The following STK26 variants were observed in gnomAD, a reference collection of about 807,000 sequenced individuals.
STK26 encodes serine/threonine-protein kinase 26.
A neutral mutation model predicts 34.7 loss-of-function variants in STK26; 14 were observed. That is an observed-to-expected ratio of 0.40 (90% CI 0.27 to 0.63). The LOEUF is 0.63. Ranked by LOEUF, STK26 falls within the 30% of genes least tolerant of loss-of-function variation. STK26 has a pLI of 0.38. For missense variants in STK26, 226 were observed against 309.1 expected (o/e 0.73, Z 2.02); for synonymous variants, 100 against 109.8 (o/e 0.91, Z 0.56).
intron 2 of STK26, among the ~76,000 whole-genome samples, chrX:132,046,776 T>C (rs1312007173): frequency 8.9e-6 from 1 of 112,005 alleles, no homozygotes. Flanking sequence ...GATAAAATGC[T>C]GTCTGATGAC....
intron 2 of STK26, among the ~76,000 whole-genome samples, chrX:132,031,264 GATGTGTA>G (rs1472563748): frequency 8.9e-6 from 1 of 111,757 alleles, no homozygotes; most frequent in Non-Finnish European, 1.9e-5. Flanking sequence ...ATATGGATAT[GATGTGTA>G]ATGATCAAAT....
chrX:132,035,684 C>A (rs1926014655), intron 2 of STK26, among the ~76,000 whole-genome samples: 1 of 108,790 alleles, frequency 9.2e-6, no homozygotes, highest in East Asian at 2.9e-4. Context: ...TGCTAAAGTG[C>A]AACTTGGCTA....
At chrX:132,024,751 GTT>G (rs200767685) in intron 2 of STK26, among the ~76,000 whole-genome samples, 65 of 95,838 alleles carry the variant, frequency 6.8e-4, no homozygotes, top group African/African-American at 2.1e-3. Flanking sequence ...GATACATGGA[GTT>G]TTTTTTTTTT....
chrX:132,049,776 T>C lies in STK26; in HGVS notation c.43-4855T>C, dbSNP rs140757577. Among the ~76,000 whole-genome samples, 420 of 112,354 alleles carry C rather than the reference T, an allele frequency of 3.7e-3. 3 individuals are homozygous for C. The highest frequency in any genetic ancestry group is 0.013 in the African/African-American group (388 of 30,930). The stretch of plus-strand genomic sequence containing the variant: ...CTCCTCCTCATCAATGAGTCACTGA[T>C]AGGCCTATATACAGGCCAGTCTTTG... On this transcript the variant is annotated intron_variant, in intron 2 of 11. Transcript: ENST00000394334.
At chrX:132,058,826 T>C (rs781314548) in intron 3 of STK26, among the ~76,000 whole-genome samples, 40 of 111,047 alleles carry the variant, frequency 3.6e-4, no homozygotes, top group African/African-American at 1.2e-3. Context: ...AAGAACATGT[T>C]GCTTCATGAT....
chrX:132,035,557 A>G (rs1187078986), intron 2 of STK26, among the ~76,000 whole-genome samples: 1 of 109,643 alleles, frequency 9.1e-6, no homozygotes, highest in Non-Finnish European at 1.9e-5. Context: ...CTTTCTGTGG[A>G]ATTATGTTAC....
rs1300590517 is a variant in STK26, at chrX:132,044,667, A to C, written c.43-9964A>C. Among the ~76,000 whole-genome samples, 68 of 61,863 alleles carry C rather than the reference A, an allele frequency of 1.1e-3. 5 individuals are homozygous for C. In the East Asian group the frequency reaches 0.017, roughly 16 times the overall value. 53.7% of individuals were successfully genotyped at this position (61,863 alleles called of 115,157 possible). ...TCTCTCTCTCTCTCTCTCTCTCTCG[A>C]GATCTATATATATATATATATAGAG... On this transcript the variant is annotated intron_variant, in intron 2 of 11. Transcript: ENST00000394334.
chrX:132,045,590 A>G (rs1926471401), intron 2 of STK26, among the ~76,000 whole-genome samples: 1 of 112,245 alleles, frequency 8.9e-6, no homozygotes, highest in Non-Finnish European at 1.9e-5. Context: ...CCTCTGTAGT[A>G]CTTATGAGAA....
chrX:132,054,717 T>C lies in STK26; in HGVS notation c.129T>C (p.Asp43=), dbSNP rs773607682. The C allele has an allele frequency of 1.1e-5, 13 of 1,209,750 alleles. No homozygotes were observed. The highest frequency in any genetic ancestry group is 2.3e-4 in the Middle Eastern group (1 of 4,375). ...GSFGEVFKGI[D]NRTQQVVAIK... is the part of the protein sequence containing the mutation. ...TTGGGGAAGTTTTCAAAGGAATTGA[T>C]AACCGTACCCAGCAAGTCGTTGCTA... The change falls in exon 3 of 12, where the codon GAT becomes GAC. Residue 43 remains aspartate (D), a synonymous_variant. Transcript: ENST00000394334.
At chrX:132,043,620 T>C (rs1029290994) in intron 2 of STK26, among the ~76,000 whole-genome samples, 3 of 111,628 alleles carry the variant, frequency 2.7e-5, no homozygotes, top group African/African-American at 9.8e-5. Flanking sequence ...ATTGTGTATT[T>C]CTATATGTAT....
chrX:132,072,764 T>C (rs1216380923), intron 9 of STK26, 49 bp from the exon 10 acceptor site: 2 of 1,127,730 alleles, frequency 1.8e-6, no homozygotes, highest in South Asian at 3.7e-5. Flanking sequence ...AAGAAAATCA[T>C]GACACTTATT....
intron 2 of STK26, among the ~76,000 whole-genome samples, chrX:132,033,096 A>T (rs953505078): frequency 9.0e-6 from 1 of 111,509 alleles, no homozygotes; most frequent in African/African-American, 3.3e-5. Flanking sequence ...TATAGTATAA[A>T]TAACAGAGCA....
rs1935030274 is a variant in STK26 at position 132,023,546 on chromosome X, C to G, written c.-72C>G. On this transcript the variant is annotated 5_prime_UTR_variant, in exon 2 of 12. Transcript: ENST00000394334. ...AGCCTGGGAGGGCCGCCGAACTACCCCCGGAGGGAGGAGCCAGTCCGAACC... is the reference window on the plus strand; with the variant it reads ...AGCCTGGGAGGGCCGCCGAACTACCGCCGGAGGGAGGAGCCAGTCCGAACC... 2.6e-6 allele frequency: 3 copies of G among 1,138,636 alleles called. No homozygotes were observed. The highest frequency in any genetic ancestry group is 2.4e-6 in the Non-Finnish European group (2 of 847,377). 93.8% of individuals were successfully genotyped at this position (1,138,636 alleles called of 1,213,427 possible). A position where few individuals can be genotyped will look rare whatever the true frequency, so the allele number is the denominator to read the frequency against.
At chrX:132,055,132 C>A (rs774233596) in intron 3 of STK26, among the ~76,000 whole-genome samples, 28 of 112,098 alleles carry the variant, frequency 2.5e-4, no homozygotes, top group Non-Finnish European at 4.7e-4. Flanking sequence ...GGAGACATCT[C>A]CTTTGTCAGG....
intron 2 of STK26, among the ~76,000 whole-genome samples, chrX:132,041,451 G>C (rs1926261829): frequency 8.9e-6 from 1 of 111,945 alleles, no homozygotes; most frequent in African/African-American, 3.2e-5. Flanking sequence ...GTTGTAAAAT[G>C]ATAGGGTACA....
At position 132,025,187 on chromosome X, in the gene STK26, C is replaced by T. The variant is rs990099666; in HGVS notation, c.42+1528C>T. On this transcript the variant is annotated intron_variant, in intron 2 of 11. Transcript: ENST00000394334. ...GATCTGGGAAAAAGTGACATTTTCT[C>T]ACCGTGCTCTTCTTTCCATTCTGTG... Among the ~76,000 whole-genome samples the T allele has an allele frequency of 5.1e-4, 57 of 110,810 alleles. 1 individual carries two copies. Among genetic ancestry groups the T allele is most frequent in the Non-Finnish European group, 7.5e-5 (4 of 53,006 alleles).
At chrX:132,023,866 G>A (rs761169907) in intron 2 of STK26, among the ~76,000 whole-genome samples, 1 of 112,393 alleles carries the variant, frequency 8.9e-6, no homozygotes, top group South Asian at 3.7e-4. Context: ...AGGCGAGGCG[G>A]GACTGGAGCG....
chrX:132,055,489 C>G (rs1451047627), intron 3 of STK26: 13 of 1,153,073 alleles, frequency 1.1e-5, no homozygotes, highest in Non-Finnish European at 1.5e-5. Flanking sequence ...GAAGTTCCAG[C>G]AGATGGAGGT....
chrX:132,052,470 C>G (rs969973841), intron 2 of STK26, among the ~76,000 whole-genome samples: 38 of 112,004 alleles, frequency 3.4e-4, no homozygotes, highest in Non-Finnish European at 6.4e-4. Flanking sequence ...GGATCTTTCT[C>G]TTTTTCTGTG....
Sources: allele counts gnomAD v4.1 joint callset (sites outside exome capture counted in the v4.1 genomes callset), GRCh38; gene constraint gnomAD v4.1.1; transcripts MANE v1.5; gene names NCBI Gene and HGNC (gene_info 2026-07-23, HGNC 2026-07-21).